The following PARP9 variants were observed in gnomAD, a reference collection of about 807,000 sequenced individuals.
The protein encoded by PARP9 is protein mono-ADP-ribosyltransferase PARP9.
Under a neutral mutation model 68.8 loss-of-function variants are expected in PARP9, and 48 were observed. That is an observed-to-expected ratio of 0.70 (90% CI 0.55 to 0.89). The LOEUF is 0.89. PARP9 is among the 40% of genes least tolerant of loss of function. The probability of loss-of-function intolerance (pLI) is 0.00; values close to 1 mark genes in which losing one functional copy is unlikely to be tolerated. For synonymous variants in PARP9, 309 were observed against 333.8 expected (o/e 0.93, Z 0.81); for missense variants, 806 against 969.3 (o/e 0.83, Z 2.24).
At position 122,555,816 on chromosome 3, in the gene PARP9, C is replaced by G. The variant is rs1288364847; in HGVS notation, c.355G>C (p.Val119Leu). 1 of 1,613,876 alleles carries G rather than the reference C, an allele frequency of 6.2e-7. No homozygotes were observed. Among genetic ancestry groups the G allele is most frequent in the Non-Finnish European group, 8.5e-7 (1 of 1,180,032 alleles). ...LHGGGLALAL[V>L]KAGGFEIQEE... ...TGGATTTCAAATCCACCAGCTTTTA[C>G]CAGGGCCAGGGCCAGGCCTCCCCCA... Residue 119 changes from valine to leucine, a missense_variant, in exon 4 of 11, where the codon GTA becomes CTA. By Grantham distance (32) the Val-to-Leu change is conservative. Around this residue, in one of 2 missense-constraint regions of PARP9, gnomAD observed 680 missense variants for 858.8 expected, o/e 0.79. Coordinates refer to ENST00000682323, the MANE Select transcript of PARP9 (RefSeq NM_001146105.2).
At chr3:122,553,199 C>T (rs557765774) in intron 4 of PARP9, among the ~76,000 whole-genome samples, 52 of 152,200 alleles carry the variant, frequency 3.4e-4, no homozygotes, top group African/African-American at 1.2e-3. Context: ...CAGACCCCCC[C>T]ACTCACCCAC....
rs561628446 is a variant in PARP9, at chr3:122,560,832, C to T, written c.-89-1123G>A. 4.6e-5 allele frequency among the ~76,000 whole-genome samples: 7 copies of T among 152,156 alleles called. No homozygotes were observed. The East Asian group carries it at 5.8e-4, about 13-fold the overall frequency. On this transcript the variant is annotated intron_variant, in intron 1 of 10. Coordinates refer to ENST00000682323, the MANE Select transcript of PARP9 (RefSeq NM_001146105.2). The stretch of plus-strand genomic sequence containing the variant: ...TGCAAAGACAAGATGCATTTTTTGC[C>T]TCCAGAGGGCACTGCTGTTTTCAAA...
intron 9 of PARP9, 28 bp downstream of exon 9, chr3:122,536,906 G>C (rs762596127): frequency 6.3e-7 from 1 of 1,587,220 alleles, no homozygotes; most frequent in South Asian, 1.2e-5. Context: ...AACAAAATGA[G>C]CCAAATCTTC....
intron 10 of PARP9, chr3:122,532,713 G>A (rs1458428901): frequency 1.3e-5 from 2 of 152,402 alleles, no homozygotes; most frequent in African/African-American, 2.4e-5. Flanking sequence ...TACTAGGCCT[G>A]TAGGCCTGCA....
intron 6 of PARP9, among the ~76,000 whole-genome samples, chr3:122,548,906 A>G (rs943674019): frequency 2.0e-5 from 3 of 152,234 alleles, no homozygotes; most frequent in African/African-American, 7.2e-5. Flanking sequence ...AATTCACTGA[A>G]TTTAGTAACA....
chr3:122,548,189 T>C (rs887563848), intron 6 of PARP9, among the ~76,000 whole-genome samples: 1 of 152,170 alleles, frequency 6.6e-6, no homozygotes, highest in South Asian at 2.1e-4. Context: ...CGTGTTTAAT[T>C]GGGCAGCAGA....
chr3:122,562,149 C>A (rs2080259624), intron 1 of PARP9, among the ~76,000 whole-genome samples: 1 of 142,476 alleles, frequency 7.0e-6, no homozygotes. Flanking sequence ...TGAGCTGTGG[C>A]AATATACTCT....
chr3:122,546,131 T>C (rs1355638277), intron 6 of PARP9: 2 of 152,356 alleles, frequency 1.3e-5, no homozygotes, highest in Non-Finnish European at 2.9e-5. Context: ...CTGTCTTCCT[T>C]GTTCAAAGTA....
intron 6 of PARP9, among the ~76,000 whole-genome samples, chr3:122,548,206 A>G (rs1045897637): frequency 2.0e-5 from 3 of 152,224 alleles, no homozygotes; most frequent in African/African-American, 7.2e-5. Flanking sequence ...CAGAAGGAAT[A>G]AGAACTTTTA....
At position 122,555,678 on chromosome 3, in the gene PARP9, G is replaced by A. The variant is rs368389656; in HGVS notation, c.493C>T (p.Arg165Trp). ...CCCTGTTTATCCCATTCCATCCACC[G>A]AGGCCCAACAGCATGGATGATCTGT... is the stretch of plus-strand genomic sequence containing the variant. ...CKQIIHAVGP[R>W]WMEWDKQGCT... The change falls in exon 4 of 11, where the codon CGG (arginine) becomes TGG (tryptophan). Residue 165 changes from arginine to tryptophan, a missense_variant. By Grantham distance (101) the Arg-to-Trp change is moderately radical (BLOSUM62 -3). Transcript: ENST00000682323. 1.5e-5 allele frequency: 24 copies of A among 1,613,678 alleles called. No individual in the cohort carries two copies. Among genetic ancestry groups the A allele is most frequent in the East Asian group, 2.2e-5 (1 of 44,890 alleles).
At chr3:122,545,080 A>G (rs1287618440) in intron 7 of PARP9, among the ~76,000 whole-genome samples, 1 of 152,216 alleles carries the variant, frequency 6.6e-6, no homozygotes, top group African/African-American at 2.4e-5. Flanking sequence ...CCATAATTAC[A>G]ATAAGTAACC....
Position 122,536,951 on chromosome 3 carries a change from C to T in PARP9, c.1888G>A (p.Gly630Ser), listed in dbSNP as rs774516594. Residue 630 changes from glycine (G) to serine (S), a missense_variant, in exon 9 of 11, where the codon GGT (glycine) becomes AGT (serine). This residue lies in a region of PARP9 where 680 missense variants were observed against 858.8 expected (regional missense o/e 0.79). Transcript: ENST00000682323. ...AGGTATACCTTTAGAACCTGCAAAC[C>T]ACATTTTTCAAACTGTTTCTTTTGA... is the stretch of plus-strand genomic sequence containing the variant. ...LDQKKQFEKCGLQVLKVEKID... is the reference protein window; with the variant it reads ...LDQKKQFEKCSLQVLKVEKID... 27 of 1,612,708 alleles carry T rather than the reference C, an allele frequency of 1.7e-5. No homozygotes were observed. Among genetic ancestry groups the T allele is most frequent in the Non-Finnish European group, 2.2e-5 (26 of 1,179,642 alleles).
intron 7 of PARP9, among the ~76,000 whole-genome samples, chr3:122,542,525 G>C (rs1231066184): frequency 6.6e-6 from 1 of 152,086 alleles, no homozygotes; most frequent in Non-Finnish European, 1.5e-5. Context: ...TGTCGCCCAG[G>C]CTGGAGTGTA....
chr3:122,563,089 T>C (rs921598897), intron 1 of PARP9, among the ~76,000 whole-genome samples: 1 of 152,220 alleles, frequency 6.6e-6, no homozygotes, highest in Non-Finnish European at 1.5e-5. Context: ...CAGGCCTCTC[T>C]GCCGCCACTC....
At chr3:122,538,029 T>C (rs530776663) in intron 8 of PARP9, among the ~76,000 whole-genome samples, 2 of 152,186 alleles carry the variant, frequency 1.3e-5, no homozygotes, top group South Asian at 4.1e-4. Context: ...ATTATCTAAT[T>C]GAATGGGCTC....
chr3:122,545,352 T>C, intron 7 of PARP9, 80 bp downstream of exon 7: 1 of 1,419,880 alleles, frequency 7.0e-7, no homozygotes, highest in Admixed American at 1.7e-5. Flanking sequence ...TCTTCTCCCC[T>C]CCGTTAGTTC....
intron 10 of PARP9, chr3:122,534,931 G>A: frequency 1.0e-6 from 1 of 981,064 alleles, no homozygotes; most frequent in Non-Finnish European, 1.2e-6. Context: ...CTGATGATGA[G>A]TCTGGCTAAG....
chr3:122,558,264 T>A, intron 3 of PARP9, 170 bp downstream of exon 3: 1 of 1,537,942 alleles, frequency 6.5e-7, no homozygotes, highest in African/African-American at 1.4e-5. Flanking sequence ...ATATGCCTGC[T>A]GGTCGGTGCC....
In PARP9 at chr3:122,536,200, A is replaced by G. The variant is rs777762046; in HGVS notation, c.2048T>C (p.Val683Ala). 6.2e-7 allele frequency: 1 copy of G among 1,614,092 alleles called. No individual in the cohort carries two copies. The highest frequency in any genetic ancestry group is 8.5e-7 in the Non-Finnish European group (1 of 1,180,014). ...PYQFCNVVCR[V>A]GFQRMYSTPC... ...TGTCGAGTACATTCTTTGAAAGCCA[A>G]CTCTGCATACCACATTGCAGAACTG... The change falls in exon 10 of 11, where the codon GTT becomes GCT. Residue 683 changes from valine (V) to alanine (A), a missense_variant. By Grantham distance (64) the Val-to-Ala change is moderately conservative. Coordinates refer to ENST00000682323, the MANE Select transcript of PARP9 (RefSeq NM_001146105.2).
Sources: allele counts gnomAD v4.1 joint callset (sites outside exome capture counted in the v4.1 genomes callset), GRCh38; gene constraint gnomAD v4.1.1; regional missense constraint gnomAD v4.1.1; transcripts MANE v1.5; gene names NCBI Gene and HGNC (gene_info 2026-07-23, HGNC 2026-07-21).